GPC5: variants seen among roughly 807,000 people sequenced by gnomAD.
GPC5 encodes the protein glypican 5.
A neutral mutation model predicts 53.9 loss-of-function variants in GPC5; 47 were observed. The ratio of observed to expected loss-of-function variants is 0.87; its 90% CI spans 0.69 to 1.11. The LOEUF (loss-of-function observed/expected upper bound fraction) is 1.11. Ranked by LOEUF, GPC5 falls within the 50% of genes most tolerant of loss-of-function variation. The pLI is 0.00. For missense variants in GPC5, 748 were observed against 713.1 expected (o/e 1.05, Z -0.56); for synonymous variants, 286 against 263.3 (o/e 1.09, Z -0.84).
chr13:92,195,603 C>T (rs1221928058), intron 7 of GPC5, among the ~76,000 whole-genome samples: 1 of 151,984 alleles, frequency 6.6e-6, no homozygotes, highest in Admixed American at 6.6e-5. Flanking sequence ...GGTCAGTAGC[C>T]ATGGTGAAGT....
chr13:92,603,094 G>T (rs1206030540), intron 7 of GPC5, among the ~76,000 whole-genome samples: 1 of 152,168 alleles, frequency 6.6e-6, no homozygotes. Context: ...ACTTCCAGAA[G>T]AAAAGCAATT....
At chr13:91,790,187 A>G (rs188610468) in intron 5 of GPC5, among the ~76,000 whole-genome samples, 2 of 152,230 alleles carry the variant, frequency 1.3e-5, no homozygotes, top group African/African-American at 4.8e-5. Context: ...AACAGGTGTG[A>G]GGTGATATTT....
At chr13:92,742,112 G>A (rs1381675545) in intron 7 of GPC5, among the ~76,000 whole-genome samples, 1 of 151,428 alleles carries the variant, frequency 6.6e-6, no homozygotes, top group Non-Finnish European at 1.5e-5. Context: ...TAATGGGATG[G>A]CTGGGTCAAA....
chr13:92,432,844 T>C (rs536200204), intron 7 of GPC5, among the ~76,000 whole-genome samples: 187 of 152,256 alleles, frequency 1.2e-3, no homozygotes, highest in Non-Finnish European at 1.9e-3. Context: ...TTCTTTTCCT[T>C]TTCCTTTCCT....
chr13:92,623,372 G>A (rs974090130), intron 7 of GPC5, among the ~76,000 whole-genome samples: 5 of 152,280 alleles, frequency 3.3e-5, no homozygotes, highest in African/African-American at 1.2e-4. Context: ...TCAACTAGAG[G>A]TGAAGGAAGA....
intron 3 of GPC5, among the ~76,000 whole-genome samples, chr13:91,715,437 C>G (rs1228499011): frequency 6.6e-6 from 1 of 152,090 alleles, no homozygotes; most frequent in Non-Finnish European, 1.5e-5. Flanking sequence ...ATTTAAGTGA[C>G]AAAATCTGTC....
In GPC5 at chr13:91,784,291, G is replaced by T. The variant is rs115257288; in HGVS notation, c.1280+27871G>T. Among the ~76,000 whole-genome samples the T allele has an allele frequency of 6.7e-3, 1,016 of 152,218 alleles. 9 individuals carry two copies. Among genetic ancestry groups the T allele is most frequent in the African/African-American group, 0.023 (962 of 41,524 alleles). ...AAGATGAAAAAAATTTGTATCAAAA[G>T]AATTATTTGAAAAATATTCTTCATC... On this transcript the variant is annotated intron_variant, in intron 5 of 7. Coordinates refer to ENST00000377067, the MANE Select transcript of GPC5 (RefSeq NM_004466.6).
intron 6 of GPC5, among the ~76,000 whole-genome samples, chr13:92,102,758 G>A (rs1166495842): frequency 6.6e-6 from 1 of 152,170 alleles, no homozygotes. Flanking sequence ...GTAGGGTTGT[G>A]TCATGAACTT....
chr13:91,634,126 A>G (rs2139438816), intron 2 of GPC5, among the ~76,000 whole-genome samples: 1 of 152,256 alleles, frequency 6.6e-6, no homozygotes, highest in South Asian at 2.1e-4. Context: ...GAGAATCCTG[A>G]TATTTCTTGA....
chr13:92,422,726 G>A (rs1876634517), intron 7 of GPC5, among the ~76,000 whole-genome samples: 1 of 151,976 alleles, frequency 6.6e-6, no homozygotes, highest in Admixed American at 6.6e-5. Flanking sequence ...AGTGGCTGGA[G>A]GCACTAATTC....
At chr13:91,876,651 G>A (rs2039205744) in intron 5 of GPC5, among the ~76,000 whole-genome samples, 1 of 152,104 alleles carries the variant, frequency 6.6e-6, no homozygotes, top group South Asian at 2.1e-4. Flanking sequence ...AGTTTTGTAA[G>A]GGAAGCAGAA....
At chr13:91,644,824 G>C (rs768286878) in intron 2 of GPC5, among the ~76,000 whole-genome samples, 1 of 152,140 alleles carries the variant, frequency 6.6e-6, no homozygotes, top group Non-Finnish European at 1.5e-5. Context: ...CAGATACTCT[G>C]AAAAAGTCAT....
At chr13:92,010,232 AT>A (rs1363308761) in intron 6 of GPC5, among the ~76,000 whole-genome samples, 2 of 152,052 alleles carry the variant, frequency 1.3e-5, no homozygotes, top group Non-Finnish European at 2.9e-5. Context: ...CATATCATAT[AT>A]TTTACATATT....
At chr13:91,989,237 A>C (rs780421188) in intron 6 of GPC5, among the ~76,000 whole-genome samples, 2 of 152,180 alleles carry the variant, frequency 1.3e-5, no homozygotes, top group African/African-American at 2.4e-5. Context: ...GTGTAAAGAA[A>C]AGTTAGAATT....
Position 91,711,729 on chromosome 13 carries a change from A to G in GPC5, c.1021-16803A>G, listed in dbSNP as rs114922287. Among the ~76,000 whole-genome samples, 1,135 of 152,296 alleles carry G rather than the reference A, an allele frequency of 7.5e-3. 12 individuals carry two copies. Among genetic ancestry groups the G allele is most frequent in the African/African-American group, 0.026 (1,086 of 41,568 alleles). On this transcript the variant is annotated intron_variant, in intron 3 of 7. Transcript: ENST00000377067. The stretch of plus-strand genomic sequence containing the variant: ...ACAAGTTATGGATTTTCTGCTAAAA[A>G]CACTTAGAAAAATGCTACTCTGAGG...
chr13:92,642,010 T>C (rs1430264267), intron 7 of GPC5, among the ~76,000 whole-genome samples: 2 of 152,218 alleles, frequency 1.3e-5, no homozygotes, highest in Admixed American at 6.5e-5. Context: ...CTTCAAAGCA[T>C]GTTTAACCTG....
intron 6 of GPC5, among the ~76,000 whole-genome samples, chr13:92,098,889 T>C (rs1001152178): frequency 1.3e-5 from 2 of 151,986 alleles, no homozygotes; most frequent in African/African-American, 4.8e-5. Context: ...GCTAATACTT[T>C]ACTATTAAAC....
intron 7 of GPC5, among the ~76,000 whole-genome samples, chr13:92,714,056 G>A (rs564657315): frequency 6.6e-6 from 1 of 152,258 alleles, no homozygotes; most frequent in African/African-American, 2.4e-5. Context: ...TTGGTGAACT[G>A]AATTTATTCC....
intron 7 of GPC5, among the ~76,000 whole-genome samples, chr13:92,316,733 T>A (rs2043181886): frequency 6.6e-6 from 1 of 152,128 alleles, no homozygotes; most frequent in South Asian, 2.1e-4. Flanking sequence ...GAAGAAAAAT[T>A]ATATATGCAT....
Sources: gnomAD v4.1 joint callset for allele counts (sites outside exome capture counted in the v4.1 genomes callset) on GRCh38, gnomAD v4.1.1 for gene constraint, MANE v1.5 for transcripts, NCBI Gene and HGNC (gene_info 2026-07-23, HGNC 2026-07-21) for gene names.